The following MAP6 variants were observed in gnomAD, a reference collection of about 807,000 sequenced individuals.
The protein encoded by MAP6 is microtubule associated protein 6, also known as microtubule-associated protein 6.
Under a neutral mutation model 42.4 loss-of-function variants are expected in MAP6, and 26 were observed. The observed-to-expected ratio is 0.61, with a 90% CI of 0.45 to 0.85. The LOEUF (loss-of-function observed/expected upper bound fraction) is 0.85, where lower values mean the gene tolerates loss of function less well. Ranked by LOEUF, MAP6 falls within the 40% of genes least tolerant of loss-of-function variation. The pLI, the probability that MAP6 is intolerant of heterozygous loss-of-function variation, is 0.00. For synonymous variants in MAP6, 418 were observed against 443.8 expected (o/e 0.94, Z 0.73); for missense variants, 966 against 1,099.0 (o/e 0.88, Z 1.71).
chr11:75,639,707 A>C (rs1943430931), intron 1 of MAP6, among the ~76,000 whole-genome samples: 1 of 152,240 alleles, frequency 6.6e-6, no homozygotes. Flanking sequence ...AAGACAGATG[A>C]CCCAACATTA....
rs1361341700 is a variant in MAP6, at chr11:75,604,741, G to T, written c.1316+1067C>A. ...GAGAGCTGCTTTTATATATTAATGA[G>T]GTCAAAGCTGCTTGCTAATTAGTTA... On this transcript the variant is annotated intron_variant, in intron 3 of 3. Transcript: ENST00000304771. 5.1e-6 allele frequency: 5 copies of T among 985,230 alleles called. No homozygotes were observed. The African/African-American group carries it at 8.7e-5, about 17-fold the overall frequency. 61.0% of individuals were successfully genotyped at this position (985,230 alleles called of 1,614,324 possible).
intron 1 of MAP6, among the ~76,000 whole-genome samples, chr11:75,660,560 G>A (rs1943826884): frequency 6.6e-6 from 1 of 152,108 alleles, no homozygotes; most frequent in Non-Finnish European, 1.5e-5. Context: ...ATTTAGATCT[G>A]TTGTTTTGTA....
Position 75,661,209 on chromosome 11 carries a change from GT to G in MAP6, c.905+6255del, listed in dbSNP as rs201035282. 3.9e-5 allele frequency among the ~76,000 whole-genome samples: 6 copies of G among 152,010 alleles called. No homozygotes were observed. In the East Asian group the frequency reaches 1.2e-3, roughly 29 times the overall value. ...CAGTATTAAAGACATCAAATTGACA[GT>G]TTAAAAAAAATCCATGAAAAAGACA... On this transcript the variant is annotated intron_variant, in intron 1 of 3. Transcript: ENST00000304771.
chr11:75,639,691 T>C (rs913434605), intron 1 of MAP6, among the ~76,000 whole-genome samples: 1 of 152,176 alleles, frequency 6.6e-6, no homozygotes, highest in Non-Finnish European at 1.5e-5. Context: ...TAAAAATATG[T>C]ATAGAAAGAC....
At position 75,605,988 on chromosome 11, in the gene MAP6, A is replaced by C. The variant is rs1196802315; in HGVS notation, c.1136T>G (p.Val379Gly). The part of the protein sequence containing the change: ...KEPPKVEKPS[V>G]QSSKPKKTSA... Reference sequence around the variant, plus strand: ...GGTCTTTTTTGGTTTGGAACTCTGAACACTAGGTTTTTCCACCTGTACGGA... The same window carrying C: ...GGTCTTTTTTGGTTTGGAACTCTGACCACTAGGTTTTTCCACCTGTACGGA... Residue 379 changes from valine (V) to glycine (G), a missense_variant, in exon 3 of 4, where the codon GTT becomes GGT. Around this residue, in one of 2 missense-constraint regions of MAP6, gnomAD observed 943 missense variants for 1,049.9 expected, o/e 0.90. Coordinates refer to ENST00000304771, the MANE Select transcript of MAP6 (RefSeq NM_033063.2). The C allele has an allele frequency of 3.1e-6, 5 of 1,613,762 alleles. No homozygotes were observed. Among genetic ancestry groups the C allele is most frequent in the Non-Finnish European group, 4.2e-6 (5 of 1,180,038 alleles).
chr11:75,643,909 T>C (rs1378573716), intron 1 of MAP6, among the ~76,000 whole-genome samples: 1 of 152,222 alleles, frequency 6.6e-6, no homozygotes, highest in African/African-American at 2.4e-5. Context: ...AGTGAATGGA[T>C]GAATAGATGG....
chr11:75,603,076 C>T (rs1011596952), intron 3 of MAP6: 10 of 985,512 alleles, frequency 1.0e-5, no homozygotes, highest in Non-Finnish European at 1.2e-5. Context: ...GCCACAAAAT[C>T]GTAATTAGAC....
chr11:75,592,708 G>C (rs1942503087), intron 3 of MAP6, among the ~76,000 whole-genome samples: 1 of 152,182 alleles, frequency 6.6e-6, no homozygotes, highest in Non-Finnish European at 1.5e-5. Flanking sequence ...TCTTTTAAGA[G>C]AGCAAACCCT....
intron 1 of MAP6, among the ~76,000 whole-genome samples, chr11:75,625,131 G>A (rs1943174914): frequency 6.6e-6 from 1 of 152,106 alleles, no homozygotes; most frequent in Non-Finnish European, 1.5e-5. Flanking sequence ...GGGAAGGAGA[G>A]GCACTGACAT....
intron 3 of MAP6, among the ~76,000 whole-genome samples, chr11:75,590,361 A>T (rs1028407631): frequency 6.6e-6 from 1 of 152,168 alleles, no homozygotes; most frequent in Non-Finnish European, 1.5e-5. Flanking sequence ...GGGCTGCAGA[A>T]CCTATCCCAA....
intron 1 of MAP6, among the ~76,000 whole-genome samples, chr11:75,657,037 T>C (rs1943760989): frequency 6.6e-6 from 1 of 152,210 alleles, no homozygotes. Context: ...ATGGAATCAT[T>C]CAGTAAATAT....
chr11:75,651,519 C>T (rs895338281), intron 1 of MAP6, among the ~76,000 whole-genome samples: 13 of 151,916 alleles, frequency 8.6e-5, no homozygotes, highest in South Asian at 2.1e-4. Context: ...ATTTATCCCT[C>T]GTCCATTTTT....
rs777211062 is a variant in MAP6, at chr11:75,667,867, C to A, written c.503G>T (p.Arg168Leu). The change falls in exon 1 of 4, where the codon CGC becomes CTC. Residue 168 changes from arginine (R) to leucine (L), a missense_variant. Arg to Leu is a moderately radical substitution (Grantham distance 102). Coordinates refer to ENST00000304771, the MANE Select transcript of MAP6 (RefSeq NM_033063.2). This position sits in a 1 kb window ranked among gnomAD's most constrained non-coding sequence, Gnocchi z 5.6. ...CTTGGGGATCCACGGGTGGTCCCCG[C>A]GGCGCGGCAGCGGCCAGGCGCGGAA... ...KDFRAWPLPR[R>L]GDHPWIPKPV... 18 of 1,444,010 alleles carry A rather than the reference C, an allele frequency of 1.2e-5. No homozygotes were observed. The Admixed American group carries it at 3.8e-4, about 31-fold the overall frequency. The allele number at this position is 1,444,010 out of a possible 1,614,324, so 89.4% of individuals were successfully genotyped here.
chr11:75,637,183 G>A (rs1259879321), intron 1 of MAP6, among the ~76,000 whole-genome samples: 1 of 152,120 alleles, frequency 6.6e-6, no homozygotes, highest in Non-Finnish European at 1.5e-5. Flanking sequence ...CTCATCTTTG[G>A]GGTTAGAATT....
Position 75,619,757 on chromosome 11 carries a change from T to C in MAP6, c.906-11435A>G, listed in dbSNP as rs180938447. On this transcript the variant is annotated intron_variant, in intron 1 of 3. Coordinates refer to ENST00000304771, the MANE Select transcript of MAP6 (RefSeq NM_033063.2). ...GGCATTTAGGTTGGTTCCATGTCTT[T>C]GCTATTGTGAATAGTGCTGCGGTGA... Among the ~76,000 whole-genome samples, 8 of 152,370 alleles carry C rather than the reference T, an allele frequency of 5.3e-5. No homozygotes were observed. In the East Asian group the frequency reaches 1.5e-3, roughly 29 times the overall value.
Position 75,605,838 on chromosome 11 carries a change from T to C in MAP6, c.1286A>G (p.Glu429Gly). The change falls in exon 3 of 4, where the codon GAG becomes GGG. Residue 429 changes from glutamate (E) to glycine (G), a missense_variant. Physicochemically the swap from Glu to Gly is moderately conservative, Grantham distance 98. Around this residue, in one of 2 missense-constraint regions of MAP6, gnomAD observed 943 missense variants for 1,049.9 expected, o/e 0.90. Transcript: ENST00000304771. Reference protein sequence around the residue: ...TKPDDKEQSKEMNNKLAEAKE... With the variant: ...TKPDDKEQSKGMNNKLAEAKE... ...CGCCTCAGCCAGTTTATTGTTCATCTCTTTGCTTTGCTCCTTGTCGTCTGG... is the reference window on the plus strand; with the variant it reads ...CGCCTCAGCCAGTTTATTGTTCATCCCTTTGCTTTGCTCCTTGTCGTCTGG... 1.2e-6 allele frequency: 2 copies of C among 1,614,224 alleles called. No homozygotes were observed. Among genetic ancestry groups the C allele is most frequent in the Non-Finnish European group, 1.7e-6 (2 of 1,180,042 alleles).
At chr11:75,657,781 G>A (rs932608895) in intron 1 of MAP6, among the ~76,000 whole-genome samples, 2 of 152,116 alleles carry the variant, frequency 1.3e-5, no homozygotes, top group African/African-American at 4.8e-5. Context: ...GCCAACAACC[G>A]CCAGTCAAGT....
chr11:75,661,657 C>T (rs1943848508), intron 1 of MAP6, among the ~76,000 whole-genome samples: 1 of 151,724 alleles, frequency 6.6e-6, no homozygotes, highest in African/African-American at 2.4e-5. Flanking sequence ...TTTTAGAAAC[C>T]CCTAGCAAAC....
chr11:75,641,540 T>G lies in MAP6; in HGVS notation c.905+25925A>C, dbSNP rs193127251. 4.3e-4 allele frequency among the ~76,000 whole-genome samples: 65 copies of G among 151,978 alleles called. 1 individual carries two copies. The East Asian group carries it at 0.011, about 26-fold the overall frequency. On this transcript the variant is annotated intron_variant, in intron 1 of 3. Coordinates refer to ENST00000304771, the MANE Select transcript of MAP6 (RefSeq NM_033063.2). The stretch of plus-strand genomic sequence containing the variant: ...CTGGGGTAGAACCCAGGAGCCTGAG[T>G]GGGGCCCAGGATCTGCACTGTAAAC...
Sources: gnomAD v4.1 joint callset for allele counts (sites outside exome capture counted in the v4.1 genomes callset) on GRCh38, gnomAD v4.1.1 for gene constraint, gnomAD v4.1.1 regional missense constraint, Gnocchi (gnomAD v3.1) non-coding constraint, MANE v1.5 for transcripts, NCBI Gene and HGNC (gene_info 2026-07-23, HGNC 2026-07-21) for gene names.